Variants in UBR3 observed in about 807,000 individuals in gnomAD.
The protein encoded by UBR3 is E3 ubiquitin-protein ligase UBR3.
A neutral mutation model predicts 243.2 loss-of-function variants in UBR3; 85 were observed. The ratio of observed to expected loss-of-function variants is 0.35; its 90% confidence interval spans 0.29 to 0.42. UBR3 has a LOEUF of 0.42. Ranked by LOEUF, UBR3 falls within the 10% of genes least tolerant of loss-of-function variation. The pLI, the probability that UBR3 is intolerant of heterozygous loss-of-function variation, is 1.00. For synonymous variants in UBR3, 748 were observed against 799.8 expected, an observed-to-expected ratio of 0.94 and a Z score of 1.09; for missense variants, 1,686 against 2,300.8, an observed-to-expected ratio of 0.73 and a Z score of 5.47.
chr2:170,080,821 A>G, intron 38 of UBR3, 137 bp downstream of exon 38: 1 of 994,268 alleles, frequency 1.0e-6, no homozygotes, highest in Non-Finnish European at 1.4e-6. Context: ...AGCTATTTCT[A>G]GTTTTTGAGC....
At position 169,906,128 on chromosome 2, in the gene UBR3, G is replaced by A; in HGVS notation, c.1743G>A (p.Gln581=). The A allele has an allele frequency of 2.6e-6, 4 of 1,550,334 alleles. No homozygotes were observed. Among genetic ancestry groups the A allele is most frequent in the Non-Finnish European group, 3.5e-6 (4 of 1,146,614 alleles). The change falls in exon 10 of 39, where the codon CAG becomes CAA. Residue 581 remains glutamine, a synonymous_variant. Transcript: ENST00000272793. The part of the protein sequence containing the change: ...AFAAELEACA[Q]PMWGLLSHCK... ...CTGCTGAACTTGAGGCCTGTGCACA[G>A]CCAATGTGGGGGCTTTTATCACATT...
At chr2:169,981,052 G>A (rs935440908) in intron 24 of UBR3, among the ~76,000 whole-genome samples, 5 of 152,002 alleles carry the variant, frequency 3.3e-5, no homozygotes, top group African/African-American at 9.7e-5. Context: ...ACAAAGTAAA[G>A]TATAATGCAT....
At chr2:169,900,931 A>T (rs2084797504) in intron 8 of UBR3, among the ~76,000 whole-genome samples, 1 of 152,190 alleles carries the variant, frequency 6.6e-6, no homozygotes, top group Non-Finnish European at 1.5e-5. Context: ...AGTTATTAAT[A>T]CAATTTCTTT....
intron 31 of UBR3, among the ~76,000 whole-genome samples, chr2:170,033,870 A>G (rs942124310): frequency 1.2e-4 from 18 of 151,946 alleles, no homozygotes; most frequent in African/African-American, 2.4e-4. Flanking sequence ...TGGAAAAACT[A>G]TATTCCTATT....
chr2:169,962,491 T>C (rs1349066103), intron 24 of UBR3, among the ~76,000 whole-genome samples: 1 of 152,152 alleles, frequency 6.6e-6, no homozygotes, highest in Non-Finnish European at 1.5e-5. Flanking sequence ...TTTGAGATAA[T>C]TCTTTTTAAG....
chr2:170,057,934 TAGC>T (rs2091373372), intron 33 of UBR3, among the ~76,000 whole-genome samples: 1 of 152,174 alleles, frequency 6.6e-6, no homozygotes, highest in Admixed American at 6.6e-5. Flanking sequence ...TTTAGATACA[TAGC>T]AGTTTGTAAA....
intron 10 of UBR3, among the ~76,000 whole-genome samples, chr2:169,910,285 G>A (rs2105336431): frequency 6.6e-6 from 1 of 152,242 alleles, no homozygotes; most frequent in South Asian, 2.1e-4. Flanking sequence ...ATTAAGGACA[G>A]GGAGAAGAGA....
intron 32 of UBR3, among the ~76,000 whole-genome samples, chr2:170,053,390 A>G (rs2091266026): frequency 6.6e-6 from 1 of 152,218 alleles, no homozygotes; most frequent in East Asian, 1.9e-4. Context: ...CCTACGTGCC[A>G]TCACAGCTGG....
In UBR3 at chr2:169,986,884, A is replaced by G. The variant is rs985969153; in HGVS notation, c.3784+90A>G. The G allele has an allele frequency of 3.7e-5, 51 of 1,377,928 alleles. No homozygotes were observed. In the African/African-American group the frequency reaches 7.1e-4, roughly 19 times the overall value. The allele number at this position is 1,377,928 out of a possible 1,614,324, so 85.4% of individuals were successfully genotyped here. Reference sequence around the variant, plus strand: ...AATATCTGTATTAAATGAAAATTATATCTTTGTCTACTTATAACTAGGCAA... The same window carrying G: ...AATATCTGTATTAAATGAAAATTATGTCTTTGTCTACTTATAACTAGGCAA... On this transcript the variant is annotated intron_variant, in intron 25 of 38. Coordinates refer to ENST00000272793, the MANE Select transcript of UBR3 (RefSeq NM_172070.4).
At chr2:169,986,444 C>A (rs991181025) in intron 24 of UBR3, among the ~76,000 whole-genome samples, 31 of 152,106 alleles carry the variant, frequency 2.0e-4, no homozygotes, top group African/African-American at 7.5e-4. Flanking sequence ...TAGTTTAAAT[C>A]TTTCATTATT....
intron 1 of UBR3, among the ~76,000 whole-genome samples, chr2:169,854,071 C>T (rs1053184274): frequency 2.0e-5 from 3 of 151,808 alleles, no homozygotes; most frequent in Non-Finnish European, 4.4e-5. Context: ...CTAATGCATG[C>T]GGGGCTTAAA....
intron 24 of UBR3, among the ~76,000 whole-genome samples, chr2:169,984,376 A>T (rs1041987368): frequency 2.6e-5 from 4 of 152,196 alleles, no homozygotes; most frequent in Non-Finnish European, 4.4e-5. Context: ...AGAAATAAAA[A>T]TTACTAGCAT....
intron 1 of UBR3, among the ~76,000 whole-genome samples, chr2:169,848,417 C>T (rs2082555572): frequency 6.7e-6 from 1 of 148,736 alleles, no homozygotes; most frequent in Non-Finnish European, 1.5e-5. Flanking sequence ...CCTGGCTTCT[C>T]TTGCAGAGAA....
In UBR3 at chr2:170,037,150, A is replaced by C. The variant is rs116320310; in HGVS notation, c.4557-3732A>C. ...TTTATATCCTAGTTATTAAATACTAAGGGTTCCTACATTATAGGCCTGATT... is the reference window on the plus strand; with the variant it reads ...TTTATATCCTAGTTATTAAATACTACGGGTTCCTACATTATAGGCCTGATT... On this transcript the variant is annotated intron_variant, in intron 31 of 38. Coordinates refer to ENST00000272793, the MANE Select transcript of UBR3 (RefSeq NM_172070.4). Among the ~76,000 whole-genome samples the C allele has an allele frequency of 7.8e-3, 1,194 of 152,290 alleles. 14 individuals carry two copies. The highest frequency in any genetic ancestry group is 0.026 in the African/African-American group (1,080 of 41,574).
intron 5 of UBR3, among the ~76,000 whole-genome samples, chr2:169,890,454 G>A (rs527247194): frequency 1.3e-5 from 2 of 149,870 alleles, no homozygotes; most frequent in East Asian, 4.0e-4. Context: ...ACTTGAATAG[G>A]TTGTGAGTGT....
At chr2:169,985,230 T>C (rs1208018616) in intron 24 of UBR3, among the ~76,000 whole-genome samples, 26 of 150,124 alleles carry the variant, frequency 1.7e-4, no homozygotes, top group African/African-American at 5.6e-4. Flanking sequence ...TTTTCTTTTT[T>C]TTTTTTTTTT....
At chr2:169,990,465 A>C (rs559441780) in intron 25 of UBR3, among the ~76,000 whole-genome samples, 1 of 152,258 alleles carries the variant, frequency 6.6e-6, no homozygotes, top group South Asian at 2.1e-4. Flanking sequence ...GTTAGTTTTC[A>C]TAGCACTTCA....
intron 18 of UBR3, 144 bp from the exon 19 acceptor site, chr2:169,932,768 A>G (rs1347969854): frequency 4.7e-6 from 3 of 638,986 alleles, no homozygotes; most frequent in Admixed American, 3.8e-5. Flanking sequence ...TAATCATGGC[A>G]TCAAGCTTCT....
chr2:169,984,228 G>C (rs1310586049), intron 24 of UBR3, among the ~76,000 whole-genome samples: 1 of 152,060 alleles, frequency 6.6e-6, no homozygotes, highest in African/African-American at 2.4e-5. Context: ...CTCATTTAGA[G>C]TAGGGGTTTT....
Sources: allele counts gnomAD v4.1 joint callset (sites outside exome capture counted in the v4.1 genomes callset), GRCh38; gene constraint gnomAD v4.1.1; transcripts MANE v1.5; gene names NCBI Gene and HGNC (gene_info 2026-07-23, HGNC 2026-07-21).